Variants in CEP128 observed in about 807,000 individuals in gnomAD.
CEP128 encodes centrosomal protein 128kDa.
Under a neutral mutation model 156.7 loss-of-function variants are expected in CEP128, and 132 were observed. That is an observed-to-expected ratio of 0.84 (90% CI 0.73 to 0.97). The LOEUF (loss-of-function observed/expected upper bound fraction) is 0.97, where lower values mean the gene tolerates loss of function less well. CEP128 is among the 50% of genes least tolerant of loss of function. CEP128 has a pLI of 0.00. For synonymous variants in CEP128, 469 were observed against 448.9 expected (o/e 1.04, Z -0.57); for missense variants, 1,252 against 1,281.9 (o/e 0.98, Z 0.36).
intron 19 of CEP128, among the ~76,000 whole-genome samples, chr14:80,664,762 C>T (rs918743044): frequency 6.6e-6 from 1 of 152,166 alleles, no homozygotes; most frequent in African/African-American, 2.4e-5. Context: ...TATATCTTAA[C>T]ATTATCAGTG....
chr14:80,867,368 G>A (rs1595520831), intron 8 of CEP128, among the ~76,000 whole-genome samples: 1 of 152,122 alleles, frequency 6.6e-6, no homozygotes, highest in Non-Finnish European at 1.5e-5. Flanking sequence ...CTTATGAATT[G>A]TTTATTAATG....
At chr14:80,510,808 G>T (rs192811576) in intron 23 of CEP128, among the ~76,000 whole-genome samples, 5,610 of 147,622 alleles carry the variant, frequency 0.038, 130 homozygotes, top group Middle Eastern at 0.095. Flanking sequence ...TTTTTGAGGG[G>T]TTTTTTTTTT....
At chr14:80,758,755 G>A (rs1346375101) in intron 17 of CEP128, among the ~76,000 whole-genome samples, 2 of 152,054 alleles carry the variant, frequency 1.3e-5, no homozygotes, top group African/African-American at 4.8e-5. Flanking sequence ...ATAATGATAG[G>A]TAACATTACT....
chr14:80,779,045 C>T (rs1211590706), intron 15 of CEP128, among the ~76,000 whole-genome samples: 1 of 152,170 alleles, frequency 6.6e-6, no homozygotes, highest in Non-Finnish European at 1.5e-5. Flanking sequence ...CTGCTTTCAA[C>T]TACGCCACAC....
At chr14:80,745,106 T>C (rs948574543) in intron 18 of CEP128, among the ~76,000 whole-genome samples, 20 of 152,092 alleles carry the variant, frequency 1.3e-4, no homozygotes, top group African/African-American at 4.6e-4. Flanking sequence ...CAGTGGGAGG[T>C]GACTGGATCA....
At position 80,518,041 on chromosome 14, in the gene CEP128, G is replaced by T. The variant is rs191095776; in HGVS notation, c.3072+8828C>A. The stretch of plus-strand genomic sequence containing the variant: ...CTTGAGCCGTAACAAACACGGACCA[G>T]AAGGGCGTGCAGTTGCAAGATTCAA... On this transcript the variant is annotated intron_variant, in intron 23 of 24. Coordinates refer to ENST00000555265, the MANE Select transcript of CEP128 (RefSeq NM_152446.5). Among the ~76,000 whole-genome samples, 71 of 151,534 alleles carry T rather than the reference G, an allele frequency of 4.7e-4. 1 individual carries two copies. The highest frequency in any genetic ancestry group is 1.6e-3 in the African/African-American group (66 of 41,262).
At position 80,638,529 on chromosome 14, in the gene CEP128, T is replaced by C. The variant is rs146450832; in HGVS notation, c.2807-58106A>G. On this transcript the variant is annotated intron_variant, in intron 19 of 24. Coordinates refer to ENST00000555265, the MANE Select transcript of CEP128 (RefSeq NM_152446.5). ...AGATGCTTGCTCCATTGTCAACTTATCAGAGAGGACTTTGCTGACCCCTCA... is the reference window on the plus strand; with the variant it reads ...AGATGCTTGCTCCATTGTCAACTTACCAGAGAGGACTTTGCTGACCCCTCA... Among the ~76,000 whole-genome samples, 465 of 152,326 alleles carry C rather than the reference T, an allele frequency of 3.1e-3. 1 individual carries two copies. The highest frequency in any genetic ancestry group is 0.01 in the African/African-American group (436 of 41,578).
intron 19 of CEP128, among the ~76,000 whole-genome samples, chr14:80,611,833 G>A (rs931720985): frequency 2.0e-5 from 3 of 152,194 alleles, no homozygotes; most frequent in South Asian, 4.1e-4. Flanking sequence ...GCCAAGGAGG[G>A]AAGATCATGA....
chr14:80,879,204 T>C (rs1201631528), intron 8 of CEP128, among the ~76,000 whole-genome samples: 3 of 152,056 alleles, frequency 2.0e-5, no homozygotes, highest in Non-Finnish European at 4.4e-5. Flanking sequence ...TTTTCCCTTA[T>C]AAAAGCCACT....
At chr14:80,621,275 G>A (rs557213831) in intron 19 of CEP128, among the ~76,000 whole-genome samples, 10 of 152,248 alleles carry the variant, frequency 6.6e-5, no homozygotes, top group African/African-American at 2.4e-4. Context: ...TTTTCCAAAA[G>A]AAGTCAAGAA....
intron 13 of CEP128, among the ~76,000 whole-genome samples, chr14:80,809,410 G>A (rs1284382890): frequency 1.3e-5 from 2 of 152,052 alleles, no homozygotes; most frequent in Non-Finnish European, 2.9e-5. Context: ...TACACCTAAG[G>A]TGAGGAGGAA....
intron 23 of CEP128, among the ~76,000 whole-genome samples, chr14:80,505,899 G>C (rs1317203917): frequency 6.6e-6 from 1 of 152,112 alleles, no homozygotes; most frequent in African/African-American, 2.4e-5. Context: ...GCTAGGCTAA[G>C]AGAAAGCAAG....
At chr14:80,934,407 T>C (rs116952580) in intron 2 of CEP128, among the ~76,000 whole-genome samples, 43 of 152,334 alleles carry the variant, frequency 2.8e-4, no homozygotes, top group Admixed American at 5.9e-4. Context: ...GATTTAACGA[T>C]TGGAGCACAT....
chr14:80,725,641 T>C (rs1022946810), intron 19 of CEP128, among the ~76,000 whole-genome samples: 3 of 152,176 alleles, frequency 2.0e-5, no homozygotes, highest in Non-Finnish European at 4.4e-5. Flanking sequence ...CTCCAAGAAT[T>C]ATAATATGCT....
intron 8 of CEP128, among the ~76,000 whole-genome samples, chr14:80,876,300 T>C (rs987382688): frequency 2.7e-5 from 4 of 149,812 alleles, no homozygotes; most frequent in African/African-American, 7.4e-5. Context: ...TATTACACCT[T>C]AAAAAAAAAG....
intron 16 of CEP128, among the ~76,000 whole-genome samples, chr14:80,775,864 G>A (rs913226095): frequency 1.3e-5 from 2 of 152,100 alleles, no homozygotes; most frequent in Non-Finnish European, 2.9e-5. Context: ...ATGGAGTCTC[G>A]CGCTGTCGCC....
At chr14:80,772,365 G>A (rs985063066) in intron 16 of CEP128, among the ~76,000 whole-genome samples, 2 of 152,160 alleles carry the variant, frequency 1.3e-5, no homozygotes, top group Admixed American at 1.3e-4. Flanking sequence ...GACGGTTGGA[G>A]AGGAGATCAG....
intron 19 of CEP128, among the ~76,000 whole-genome samples, chr14:80,670,340 A>G (rs1362740191): frequency 6.6e-6 from 1 of 152,212 alleles, no homozygotes; most frequent in African/African-American, 2.4e-5. Flanking sequence ...GTATCCATCA[A>G]TGGATGATTG....
At chr14:80,934,680 C>A (rs968184600) in intron 2 of CEP128, among the ~76,000 whole-genome samples, 3 of 152,028 alleles carry the variant, frequency 2.0e-5, no homozygotes, top group Admixed American at 2.0e-4. Context: ...CCCTTTTTTG[C>A]AAATGAAGAA....
Sources: allele counts gnomAD v4.1 joint callset (sites outside exome capture counted in the v4.1 genomes callset), GRCh38; gene constraint gnomAD v4.1.1; transcripts MANE v1.5; gene names NCBI Gene and HGNC (gene_info 2026-07-23, HGNC 2026-07-21).